ZNF285: variants seen among roughly 807,000 people sequenced by gnomAD.
ZNF285 encodes the protein zinc finger protein 285A.
A neutral mutation model predicts 6.2 loss-of-function variants in ZNF285; 4 were observed. That is an observed-to-expected ratio of 0.65 (90% confidence interval 0.32 to 1.49). ZNF285 has a LOEUF of 1.49. ZNF285 is among the 40% of genes most tolerant of loss of function. The probability of loss-of-function intolerance (pLI) is 0.07; values close to 1 mark genes in which losing one functional copy is unlikely to be tolerated. For synonymous variants in ZNF285, 240 were observed against 245.8 expected (o/e 0.98, Z 0.22); for missense variants, 695 against 708.8 (o/e 0.98, Z 0.22).
chr19:44,392,079 G>A, intron 3 of ZNF285: 1 of 986,628 alleles, frequency 1.0e-6, no homozygotes, highest in Admixed American at 3.7e-5. Context: ...TGTGAGTAGG[G>A]GAGGGAGGGC....
intron 1 of ZNF285, among the ~76,000 whole-genome samples, chr19:44,399,674 T>TTC (rs1336117769): frequency 6.6e-6 from 1 of 151,652 alleles, no homozygotes; most frequent in Non-Finnish European, 1.5e-5. Flanking sequence ...TTTCCTGAAT[T>TTC]TCTGGCTTCA....
At chr19:44,400,667 C>A (rs1019843324) in intron 1 of ZNF285, among the ~76,000 whole-genome samples, 12 of 152,036 alleles carry the variant, frequency 7.9e-5, no homozygotes, top group African/African-American at 2.9e-4. Context: ...CTCCGCCTCC[C>A]GGGTTCACGC....
intron 2 of ZNF285, chr19:44,396,996 G>A: frequency 1.5e-6 from 1 of 672,608 alleles, no homozygotes; most frequent in Non-Finnish European, 2.5e-6. Context: ...TAGCACCAAA[G>A]TAGACATCTT....
chr19:44,387,067 A>G lies in ZNF285; in HGVS notation c.1178T>C (p.Val393Ala), dbSNP rs978167492. 3.7e-6 allele frequency: 6 copies of G among 1,613,914 alleles called. No individual in the cohort carries two copies. The African/African-American group carries it at 8.0e-5, about 22-fold the overall frequency. ...TTTGTAGGGCTTCTCTCCAGTGTGG[A>G]CTCTCTGATGGACAAGAAGGTTGGA... ...QSSNLLVHQR[V>A]HTGEKPYKCS... Residue 393 changes from valine (V) to alanine (A), a missense_variant, in exon 4 of 4, where the codon GTC (valine) becomes GCC (alanine). Val to Ala is a moderately conservative substitution (Grantham distance 64, BLOSUM62 0). Coordinates refer to ENST00000614994, the MANE Select transcript of ZNF285 (RefSeq NM_152354.6).
chr19:44,386,842 C>A lies in ZNF285; in HGVS notation c.1403G>T (p.Ser468Ile). Residue 468 changes from serine (S) to isoleucine (I), a missense_variant, in exon 4 of 4, where the codon AGC (serine) becomes ATC (isoleucine). Transcript: ENST00000614994. ...CNVCGKDFAY[S>I]SVLHTHQRVH... The stretch of plus-strand genomic sequence containing the variant: ...TCTCTGATGAGTGTGAAGAACAGAG[C>A]TATACGCAAAATCCTTTCCACACAC... 2 of 1,614,246 alleles carry A rather than the reference C, an allele frequency of 1.2e-6. No homozygotes were observed. Among genetic ancestry groups the A allele is most frequent in the Non-Finnish European group, 1.7e-6 (2 of 1,180,046 alleles).
At chr19:44,392,940 A>ATT (rs1971222214) in intron 2 of ZNF285, among the ~76,000 whole-genome samples, 1 of 152,176 alleles carries the variant, frequency 6.6e-6, no homozygotes, top group South Asian at 2.1e-4. Flanking sequence ...ATCTATTTGT[A>ATT]TTATGTTAAA....
Position 44,386,263 on chromosome 19 carries a change from T to C in ZNF285, c.*209A>G, listed in dbSNP as rs899471215. 9 of 548,260 alleles carry C rather than the reference T, an allele frequency of 1.6e-5. No homozygotes were observed. Among genetic ancestry groups the C allele is most frequent in the African/African-American group, 1.5e-4 (8 of 53,176 alleles). 34.0% of individuals were successfully genotyped at this position (548,260 alleles called of 1,614,324 possible). A position where few individuals can be genotyped will look rare whatever the true frequency, so the allele number is the denominator to read the frequency against. ...TTTGTCAAAAGTAACCTCTTTGCCA[T>C]TGTAGCATACAGCAGTTGATGGGAG... On this transcript the variant is annotated 3_prime_UTR_variant, in exon 4 of 4. Transcript: ENST00000614994.
intron 3 of ZNF285, among the ~76,000 whole-genome samples, chr19:44,391,151 T>G (rs1971187861): frequency 7.4e-6 from 1 of 134,246 alleles, no homozygotes; most frequent in African/African-American, 3.1e-5. Context: ...AGACTCCATC[T>G]CAAAAAAAAA....
intron 1 of ZNF285, 122 bp from the exon 2 acceptor site, chr19:44,397,378 G>C: frequency 8.4e-7 from 1 of 1,189,096 alleles, no homozygotes; most frequent in South Asian, 1.4e-5. Context: ...ATCTCTTCTC[G>C]CTCTGAACAG....
At position 44,385,457 on chromosome 19, in the gene ZNF285, T is replaced by A. The variant is rs1971054320; in HGVS notation, c.*1015A>T. 2 of 152,208 alleles carry A rather than the reference T, an allele frequency of 1.3e-5. No individual in the cohort carries two copies. The highest frequency in any genetic ancestry group is 6.5e-5 in the Admixed American group (1 of 15,278). 9.4% of individuals were successfully genotyped at this position (152,208 alleles called of 1,614,324 possible). ...GAAGGTTATCACTGAAGAAGTCCCA[T>A]CCATACCATTTTAGATGGTTGCACT... On this transcript the variant is annotated 3_prime_UTR_variant, in exon 4 of 4. Coordinates refer to ENST00000614994, the MANE Select transcript of ZNF285 (RefSeq NM_152354.6).
At chr19:44,392,676 TCTCA>T (rs1433477551) in intron 2 of ZNF285, 3 of 886,546 alleles carry the variant, frequency 3.4e-6, no homozygotes, top group South Asian at 2.8e-5. Flanking sequence ...ACAGCTCTGC[TCTCA>T]CTGTGTCCTT....
intron 1 of ZNF285, among the ~76,000 whole-genome samples, chr19:44,397,753 G>A (rs986379414): frequency 5.3e-5 from 8 of 152,060 alleles, no homozygotes; most frequent in East Asian, 1.9e-4. Context: ...GTGTGGTGGC[G>A]GATGCCTGTA....
intron 3 of ZNF285, 115 bp downstream of exon 3, chr19:44,392,225 G>T: frequency 6.5e-7 from 1 of 1,549,274 alleles, no homozygotes; most frequent in Non-Finnish European, 8.7e-7. Context: ...CATCTCTTAG[G>T]AGTTTTCTTT....
In ZNF285 at chr19:44,386,842, C is replaced by G. The variant is rs757947468; in HGVS notation, c.1403G>C (p.Ser468Thr). The part of the protein sequence containing the change: ...CNVCGKDFAY[S>T]SVLHTHQRVH... Reference sequence around the variant, plus strand: ...TCTCTGATGAGTGTGAAGAACAGAGCTATACGCAAAATCCTTTCCACACAC... The same window carrying G: ...TCTCTGATGAGTGTGAAGAACAGAGGTATACGCAAAATCCTTTCCACACAC... Residue 468 changes from serine to threonine, a missense_variant, in exon 4 of 4, where the codon AGC becomes ACC. Transcript: ENST00000614994. 9.3e-6 allele frequency: 15 copies of G among 1,614,128 alleles called. No individual in the cohort carries two copies. The highest frequency in any genetic ancestry group is 1.3e-5 in the Non-Finnish European group (15 of 1,180,054).
chr19:44,387,740 T>A lies in ZNF285; in HGVS notation c.505A>T (p.Ile169Phe). ...PQNSQGRYKGIYMEEKLYRRA... is the reference protein window; with the variant it reads ...PQNSQGRYKGFYMEEKLYRRA... ...CTGTACAATTTCTCTTCCATGTAAA[T>A]TCCCTTATATCTTCCCTGAGAGTTC... The change falls in exon 4 of 4, where the codon ATT (isoleucine) becomes TTT (phenylalanine). Residue 169 changes from isoleucine to phenylalanine, a missense_variant. Transcript: ENST00000614994. 4 of 1,613,902 alleles carry A rather than the reference T, an allele frequency of 2.5e-6. No individual in the cohort carries two copies. Among genetic ancestry groups the A allele is most frequent in the Non-Finnish European group, 2.5e-6 (3 of 1,179,840 alleles).
intron 3 of ZNF285, among the ~76,000 whole-genome samples, chr19:44,390,701 T>G (rs1971178845): frequency 6.6e-6 from 1 of 152,006 alleles, no homozygotes; most frequent in African/African-American, 2.4e-5. Context: ...TAATATGGTC[T>G]GGCTGTGTCC....
intron 2 of ZNF285, among the ~76,000 whole-genome samples, chr19:44,395,331 C>A (rs1275548607): frequency 6.6e-6 from 1 of 152,082 alleles, no homozygotes; most frequent in African/African-American, 2.4e-5. Flanking sequence ...CAAAAGGAAG[C>A]AAACAAATGC....
At chr19:44,391,361 G>A (rs1441202929) in intron 3 of ZNF285, among the ~76,000 whole-genome samples, 2 of 151,946 alleles carry the variant, frequency 1.3e-5, no homozygotes, top group Non-Finnish European at 2.9e-5. Context: ...TCCATAAAAG[G>A]GGGATAATAA....
chr19:44,387,828 T>A lies in ZNF285; in HGVS notation c.417A>T (p.Gln139His), dbSNP rs1568385044. ...IIKNQDITAW[Q>H]SLTQVLTPES... ...CTGGGGTAAGAACCTGTGTCAGGCT[T>A]TGCCATGCTGTGATATCTTGATTTT... The change falls in exon 4 of 4, where the codon CAA (glutamine) becomes CAT (histidine). Residue 139 changes from glutamine to histidine, a missense_variant. By Grantham distance (24) the Gln-to-His change is conservative. Transcript: ENST00000614994. The A allele has an allele frequency of 6.2e-7, 1 of 1,614,002 alleles. No individual in the cohort carries two copies. The highest frequency in any genetic ancestry group is 8.5e-7 in the Non-Finnish European group (1 of 1,179,866).
Sources: gnomAD v4.1 joint callset for allele counts (sites outside exome capture counted in the v4.1 genomes callset) on GRCh38, gnomAD v4.1.1 for gene constraint, MANE v1.5 for transcripts, NCBI Gene and HGNC (gene_info 2026-07-23, HGNC 2026-07-21) for gene names.